Variants in DST observed in about 807,000 individuals in gnomAD.
DST encodes the protein bullous pemphigoid antigen.
Under a neutral mutation model 875.2 loss-of-function variants are expected in DST, and 253 were observed. That is an observed-to-expected ratio of 0.29 (90% CI 0.26 to 0.32). The LOEUF (loss-of-function observed/expected upper bound fraction) is 0.32, where lower values mean the gene tolerates loss of function less well. Ranked by LOEUF, DST falls within the 10% of genes least tolerant of loss-of-function variation. The pLI is 1.00. For missense variants in DST, 8,287 were observed against 9,111.6 expected (o/e 0.91, Z 3.68); for synonymous variants, 3,124 against 3,197.1 (o/e 0.98, Z 0.77).
intron 4 of DST, among the ~76,000 whole-genome samples, chr6:56,759,787 T>C (rs1157547723): frequency 6.6e-6 from 1 of 152,078 alleles, no homozygotes. Context: ...ACTGGATGTG[T>C]CCTAAAGCCT....
rs576086744 is a variant in DST at position 56,615,252 on chromosome 6, C to T, written c.4930-768G>A. 46 of 1,060,216 alleles carry T rather than the reference C, an allele frequency of 4.3e-5. 1 individual carries two copies. The highest frequency in any genetic ancestry group is 3.8e-4 in the Middle Eastern group (1 of 2,648). The allele number at this position is 1,060,216 out of a possible 1,614,324, so 65.7% of individuals were successfully genotyped here. A position where few individuals can be genotyped will look rare whatever the true frequency, so the allele number is the denominator to read the frequency against. On this transcript the variant is annotated intron_variant, in intron 36 of 103. Transcript: ENST00000680361. The stretch of plus-strand genomic sequence containing the variant: ...TTCATCAAGTTTATCCCACATTCTA[C>T]GTAAAAAAAAAAACATTTTAGTGTG...
intron 3 of DST, among the ~76,000 whole-genome samples, chr6:56,861,672 C>A (rs1333787996): frequency 1.3e-5 from 2 of 152,086 alleles, no homozygotes; most frequent in Non-Finnish European, 2.9e-5. Flanking sequence ...CTTGCTTTAC[C>A]CCTAGAGGAA....
At chr6:56,834,442 C>A (rs1270821938) in intron 4 of DST, among the ~76,000 whole-genome samples, 2 of 151,764 alleles carry the variant, frequency 1.3e-5, no homozygotes, top group Non-Finnish European at 2.9e-5. Flanking sequence ...ACTAAAAATA[C>A]AAAAATTAGC....
intron 38 of DST, 144 bp downstream of exon 38, chr6:56,611,364 T>C: frequency 3.2e-6 from 2 of 620,132 alleles, no homozygotes; most frequent in South Asian, 3.6e-5. Flanking sequence ...ACTAAGTTGA[T>C]ACTCTTTACA....
intron 10 of DST, among the ~76,000 whole-genome samples, chr6:56,652,044 A>G (rs997207800): frequency 6.6e-6 from 1 of 152,194 alleles, no homozygotes; most frequent in Non-Finnish European, 1.5e-5. Context: ...TGAATCATAA[A>G]TGAATGTCTA....
At chr6:56,659,302 C>T (rs964217282) in intron 10 of DST, among the ~76,000 whole-genome samples, 3 of 152,062 alleles carry the variant, frequency 2.0e-5, no homozygotes, top group African/African-American at 7.2e-5. Flanking sequence ...AGAGACAACA[C>T]AGAGAGAAAA....
chr6:56,773,726 T>A (rs2099672178), intron 4 of DST, among the ~76,000 whole-genome samples: 1 of 152,198 alleles, frequency 6.6e-6, no homozygotes, highest in African/African-American at 2.4e-5. Context: ...GAATATTGGC[T>A]TAAAATTGTT....
chr6:56,903,472 T>A (rs1795034559), intron 2 of DST, among the ~76,000 whole-genome samples: 1 of 152,130 alleles, frequency 6.6e-6, no homozygotes, highest in Admixed American at 6.5e-5. Context: ...ATAAAAAAAT[T>A]TTTTTGAGAC....
intron 4 of DST, among the ~76,000 whole-genome samples, chr6:56,762,844 C>CT (rs869153143): frequency 0.022 from 2,463 of 111,800 alleles, 23 homozygotes; most frequent in Middle Eastern, 0.031. Context: ...AGAACACCAC[C>CT]TTTTTTTTTT....
At chr6:56,598,794 G>A in intron 45 of DST, 85 bp from the exon 46 acceptor site, 1 of 721,902 alleles carries the variant, frequency 1.4e-6, no homozygotes, top group Non-Finnish European at 2.1e-6. Context: ...AAGACAGAGT[G>A]AGTACAGAGA....
In DST at chr6:56,640,581, A is replaced by G; in HGVS notation, c.2052T>C (p.Ile684=). The G allele has an allele frequency of 6.2e-7, 1 of 1,614,164 alleles. No homozygotes were observed. The part of the protein sequence containing the change: ...VQRVAKLRDE[I]MALRNECSSV... ...AAGAACATTCGTTCCTTAAGGCCAT[A>G]ATTTCGTCACGCAGTTTTGCAACCC... Residue 684 remains isoleucine (I), a synonymous_variant, in exon 18 of 104, where the codon ATT becomes ATC. Transcript: ENST00000680361.
intron 72 of DST, among the ~76,000 whole-genome samples, chr6:56,512,366 G>A (rs1464891634): frequency 6.6e-6 from 1 of 152,198 alleles, no homozygotes; most frequent in Non-Finnish European, 1.5e-5. Flanking sequence ...GGATTTCAAT[G>A]AGCAGTTTTT....
chr6:56,592,176 T>G lies in DST; in HGVS notation c.12903+6A>C. The G allele has an allele frequency of 6.2e-7, 1 of 1,611,768 alleles. No homozygotes were observed. The highest frequency in any genetic ancestry group is 1.1e-5 in the South Asian group (1 of 90,240). ...TGGAAATGTGGATCTTTCTCTCGCTTTTTACCTTGGTCTCTTCTAATTGCC... is the reference window on the plus strand; with the variant it reads ...TGGAAATGTGGATCTTTCTCTCGCTGTTTACCTTGGTCTCTTCTAATTGCC... On this transcript the variant is annotated splice_donor_region_variant and intron_variant, in intron 49 of 103. Coordinates refer to ENST00000680361, the MANE Select transcript of DST (RefSeq NM_001374736.1).
At position 56,714,876 on chromosome 6, in the gene DST, CCTT is replaced by C. The variant is rs2099389563; in HGVS notation, c.688-10510_688-10508del. 6.6e-6 allele frequency among the ~76,000 whole-genome samples: 1 copy of C among 152,190 alleles called. No individual in the cohort carries two copies. ...AACGTCATCCAGGCAGTGATGGTTTCCTTCTTCTGCACTCCCATATTCTTTGGA... is the reference window on the plus strand; with the variant it reads ...AACGTCATCCAGGCAGTGATGGTTTCCTTCTGCACTCCCATATTCTTTGGA... On this transcript the variant is annotated intron_variant, in intron 5 of 103. Coordinates refer to ENST00000680361, the MANE Select transcript of DST (RefSeq NM_001374736.1). This position sits in a 1 kb window ranked among gnomAD's most constrained non-coding sequence, Gnocchi z 4.5.
chr6:56,617,056 G>T, intron 36 of DST: 1 of 1,614,012 alleles, frequency 6.2e-7, no homozygotes, highest in South Asian at 1.1e-5. Context: ...CTGCAATTGA[G>T]GTGGCTTTCG....
At chr6:56,790,503 A>AT (rs2099718515) in intron 4 of DST, among the ~76,000 whole-genome samples, 1 of 152,158 alleles carries the variant, frequency 6.6e-6, no homozygotes, top group Non-Finnish European at 1.5e-5. Flanking sequence ...AGAATATCAG[A>AT]TTTATGTACT....
chr6:56,655,727 G>C (rs1369354499), intron 10 of DST, among the ~76,000 whole-genome samples: 6 of 152,072 alleles, frequency 3.9e-5, no homozygotes, highest in African/African-American at 1.4e-4. Context: ...AATGTCCACT[G>C]CATACCTCAC....
chr6:56,902,977 C>A (rs886468643), intron 2 of DST, among the ~76,000 whole-genome samples: 2 of 142,320 alleles, frequency 1.4e-5, no homozygotes, highest in Non-Finnish European at 3.0e-5. Context: ...CCTTCTCAAT[C>A]TCATTTTTTA....
chr6:56,511,931 C>G, intron 72 of DST, among the ~76,000 whole-genome samples: 1 of 152,128 alleles, frequency 6.6e-6, no homozygotes, highest in Admixed American at 6.5e-5. Flanking sequence ...AATGCTGAGA[C>G]AAAACCTCAA....
Sources: gnomAD v4.1 joint callset for allele counts (sites outside exome capture counted in the v4.1 genomes callset) on GRCh38, gnomAD v4.1.1 for gene constraint, Gnocchi (gnomAD v3.1) non-coding constraint, MANE v1.5 for transcripts, NCBI Gene and HGNC (gene_info 2026-07-23, HGNC 2026-07-21) for gene names.